Variants in ROBO2 observed in about 807,000 individuals in gnomAD.
ROBO2 encodes the protein roundabout homolog 2.
ROBO2 carries 53 observed loss-of-function variants against 160.8 expected under a neutral mutation model. That is an observed-to-expected ratio of 0.33 (90% CI 0.26 to 0.41). ROBO2 has a LOEUF of 0.41. ROBO2 is among the 10% of genes least tolerant of loss of function. The pLI, the probability that ROBO2 is intolerant of heterozygous loss-of-function variation, is 1.00. For synonymous variants in ROBO2, 664 were observed against 611.7 expected, an observed-to-expected ratio of 1.09 and a Z score of -1.26; for missense variants, 1,577 against 1,722.4, an observed-to-expected ratio of 0.92 and a Z score of 1.49.
At chr3:76,213,761 T>A in intron 2 of ROBO2, among the ~76,000 whole-genome samples, 1 of 152,154 alleles carries the variant, frequency 6.6e-6, no homozygotes, top group East Asian at 1.9e-4. Flanking sequence ...CAAGTTCTTA[T>A]TAGACATATT....
chr3:76,560,161 C>T (rs1442102790), intron 2 of ROBO2, among the ~76,000 whole-genome samples: 3 of 151,932 alleles, frequency 2.0e-5, no homozygotes, highest in Non-Finnish European at 4.4e-5. Flanking sequence ...TGATATTGTC[C>T]ACCCAACACA....
At chr3:77,422,741 A>G (rs1354167604) in intron 2 of ROBO2, among the ~76,000 whole-genome samples, 1 of 152,124 alleles carries the variant, frequency 6.6e-6, no homozygotes, top group Non-Finnish European at 1.5e-5. Context: ...ACTCACAGTG[A>G]TTTGCACCTA....
chr3:76,867,246 C>T (rs370793301), intron 2 of ROBO2, among the ~76,000 whole-genome samples: 10 of 152,164 alleles, frequency 6.6e-5, no homozygotes, highest in Admixed American at 1.3e-4. Context: ...ACTTGTCATT[C>T]GGGCTGTCAT....
At chr3:77,190,684 A>G (rs1292108178) in intron 2 of ROBO2, among the ~76,000 whole-genome samples, 5 of 152,074 alleles carry the variant, frequency 3.3e-5, no homozygotes, top group East Asian at 1.9e-4. Flanking sequence ...TTAAAAGAAC[A>G]TGCCTTAAAA....
chr3:76,620,757 C>G (rs1336584104), intron 2 of ROBO2, among the ~76,000 whole-genome samples: 1 of 151,996 alleles, frequency 6.6e-6, no homozygotes, highest in Non-Finnish European at 1.5e-5. Flanking sequence ...AATACTAAAG[C>G]TTAGGGACCA....
intron 2 of ROBO2, among the ~76,000 whole-genome samples, chr3:77,142,561 A>G (rs1416710370): frequency 1.3e-5 from 2 of 152,314 alleles, no homozygotes; most frequent in Middle Eastern, 3.4e-3. Context: ...CTTCTTTGCT[A>G]TTGGAGCCTG....
At chr3:76,265,785 A>G (rs535624917) in intron 2 of ROBO2, among the ~76,000 whole-genome samples, 2 of 152,316 alleles carry the variant, frequency 1.3e-5, no homozygotes, top group Admixed American at 1.3e-4. Context: ...TGCTATTTGC[A>G]TAAAAGAATT....
At chr3:76,941,397 C>A (rs993140575) in intron 2 of ROBO2, among the ~76,000 whole-genome samples, 5 of 151,358 alleles carry the variant, frequency 3.3e-5, no homozygotes, top group Admixed American at 6.6e-5. Context: ...TAGAGTATAC[C>A]CCACTATAAT....
At chr3:76,881,211 G>T (rs557054375) in intron 2 of ROBO2, among the ~76,000 whole-genome samples, 2 of 152,216 alleles carry the variant, frequency 1.3e-5, no homozygotes, top group East Asian at 3.9e-4. Context: ...AGAGTGCGGA[G>T]AATTATACAA....
At chr3:76,196,615 G>A (rs774025686) in intron 2 of ROBO2, among the ~76,000 whole-genome samples, 4 of 151,752 alleles carry the variant, frequency 2.6e-5, no homozygotes, top group African/African-American at 7.3e-5. Flanking sequence ...ACTATAATTC[G>A]CTTAATGTCT....
At chr3:75,979,413 G>A (rs1371893166) in intron 2 of ROBO2, among the ~76,000 whole-genome samples, 2 of 151,460 alleles carry the variant, frequency 1.3e-5, no homozygotes, top group Non-Finnish European at 3.0e-5. Context: ...TGAGTAGGCA[G>A]GAGAGAATAG....
chr3:76,772,742 T>A (rs1248393203), intron 2 of ROBO2, among the ~76,000 whole-genome samples: 1 of 151,130 alleles, frequency 6.6e-6, no homozygotes, highest in African/African-American at 2.4e-5. Flanking sequence ...GGACTATTAC[T>A]AAATCATGTG....
intron 2 of ROBO2, among the ~76,000 whole-genome samples, chr3:77,244,732 G>A (rs2089496410): frequency 6.6e-6 from 1 of 151,934 alleles, no homozygotes; most frequent in South Asian, 2.1e-4. Context: ...CAGAAAATTA[G>A]CCAGATGTGG....
At chr3:76,155,077 A>G (rs1276585204) in intron 2 of ROBO2, among the ~76,000 whole-genome samples, 2 of 152,192 alleles carry the variant, frequency 1.3e-5, no homozygotes, top group Non-Finnish European at 2.9e-5. Flanking sequence ...GAACAGTGCC[A>G]TTAACCCAAT....
At chr3:77,628,556 C>T (rs907680638) in intron 23 of ROBO2, among the ~76,000 whole-genome samples, 1 of 151,800 alleles carries the variant, frequency 6.6e-6, no homozygotes, top group Non-Finnish European at 1.5e-5. Flanking sequence ...AGTAGATGTT[C>T]AATACATTTT....
At chr3:77,367,157 A>G (rs767939363) in intron 2 of ROBO2, among the ~76,000 whole-genome samples, 2 of 152,156 alleles carry the variant, frequency 1.3e-5, no homozygotes, top group Non-Finnish European at 2.9e-5. Context: ...CATACCACTC[A>G]TTGGAACTGC....
intron 2 of ROBO2, among the ~76,000 whole-genome samples, chr3:76,175,478 A>G (rs1013400738): frequency 6.6e-6 from 1 of 152,102 alleles, no homozygotes; most frequent in African/African-American, 2.4e-5. Flanking sequence ...AATAAAATTT[A>G]TAACGCATTT....
chr3:77,569,739 A>C (rs1441242311), intron 13 of ROBO2, among the ~76,000 whole-genome samples: 2 of 151,918 alleles, frequency 1.3e-5, no homozygotes, highest in Non-Finnish European at 2.9e-5. Context: ...TTAGCTATTC[A>C]GGCTTTTTTT....
At chr3:76,150,048 C>G (rs1479588138) in intron 2 of ROBO2, among the ~76,000 whole-genome samples, 1 of 133,110 alleles carries the variant, frequency 7.5e-6, no homozygotes, top group Non-Finnish European at 1.6e-5. Flanking sequence ...CTGTCTAAAG[C>G]ACACCTCTGT....
Sources: allele counts gnomAD v4.1 joint callset (sites outside exome capture counted in the v4.1 genomes callset), GRCh38; gene constraint gnomAD v4.1.1; transcripts MANE v1.5; gene names NCBI Gene and HGNC (gene_info 2026-07-23, HGNC 2026-07-21).